The following SLC25A48 variants were observed in gnomAD, a reference collection of about 807,000 sequenced individuals.
SLC25A48 encodes CTC-321K16.1.
Under a neutral mutation model 32.2 loss-of-function variants are expected in SLC25A48, and 29 were observed. That is an observed-to-expected ratio of 0.90 (90% CI 0.67 to 1.23). SLC25A48 has a LOEUF of 1.23. Among genes scored for constraint, SLC25A48 ranks in the 50% most tolerant of loss-of-function variants. The pLI is 0.00. For synonymous variants in SLC25A48, 164 were observed against 172.3 expected (o/e 0.95, Z 0.38); for missense variants, 399 against 422.7 (o/e 0.94, Z 0.49).
At chr5:135,734,855 G>T (rs924892838) in intron 3 of SLC25A48, among the ~76,000 whole-genome samples, 2 of 150,820 alleles carry the variant, frequency 1.3e-5, no homozygotes, top group Non-Finnish European at 3.0e-5. Context: ...AGAAGGGGAC[G>T]GACTTAACCT....
chr5:135,690,082 T>C (rs1354943095), intron 3 of SLC25A48, among the ~76,000 whole-genome samples: 1 of 152,036 alleles, frequency 6.6e-6, no homozygotes, highest in African/African-American at 2.4e-5. Flanking sequence ...GGGGGTTTCC[T>C]AGGATGCAAG....
intron 3 of SLC25A48, among the ~76,000 whole-genome samples, chr5:135,734,869 C>A (rs554555186): frequency 6.6e-6 from 1 of 151,592 alleles, no homozygotes; most frequent in South Asian, 2.1e-4. Context: ...TTAACCTCCA[C>A]TGTAAGAGTT....
At chr5:135,712,294 A>C (rs1051258040) in intron 3 of SLC25A48, among the ~76,000 whole-genome samples, 4 of 152,192 alleles carry the variant, frequency 2.6e-5, no homozygotes, top group Admixed American at 2.0e-4. Flanking sequence ...CAAGTGAAGA[A>C]TAGAATCTTC....
chr5:135,781,005 C>T (rs1756704927), intron 3 of SLC25A48, among the ~76,000 whole-genome samples: 1 of 116,644 alleles, frequency 8.6e-6, no homozygotes, highest in African/African-American at 2.6e-5. Flanking sequence ...TATATTGTTC[C>T]TAATATCCAG....
intron 3 of SLC25A48, among the ~76,000 whole-genome samples, chr5:135,769,847 C>T (rs1267165401): frequency 1.3e-5 from 2 of 151,112 alleles, no homozygotes; most frequent in Admixed American, 6.6e-5. Context: ...TGATATTGTT[C>T]GTAATATCCA....
At chr5:135,735,753 G>A (rs1755345999) in intron 3 of SLC25A48, among the ~76,000 whole-genome samples, 1 of 152,166 alleles carries the variant, frequency 6.6e-6, no homozygotes, top group Non-Finnish European at 1.5e-5. Context: ...TAGAAGTTAG[G>A]ATGACATTTA....
chr5:135,624,851 C>G (rs561982036), intron 1 of SLC25A48, among the ~76,000 whole-genome samples: 1 of 152,168 alleles, frequency 6.6e-6, no homozygotes, highest in Non-Finnish European at 1.5e-5. Context: ...GCCAACAGAT[C>G]CGATTTGTGG....
At chr5:135,868,874 C>G (rs773171318) in intron 4 of SLC25A48, among the ~76,000 whole-genome samples, 4 of 152,160 alleles carry the variant, frequency 2.6e-5, no homozygotes, top group Admixed American at 6.5e-5. Context: ...CCACATCATA[C>G]CCATAGCTGA....
Position 135,834,812 on chromosome 5 carries a change from G to A in SLC25A48, c.-36G>A. On this transcript the variant is annotated 5_prime_UTR_variant, in exon 1 of 8. Transcript: ENST00000681962. ...GCCCCACTGACTCTAAGTGGGCACT[G>A]CCCCGGCTCCGGGAGGGCGAGACCG... The A allele has an allele frequency of 6.4e-7, 1 of 1,565,748 alleles. No individual in the cohort carries two copies. Among genetic ancestry groups the A allele is most frequent in the Middle Eastern group, 1.8e-4 (1 of 5,650 alleles).
intron 3 of SLC25A48, among the ~76,000 whole-genome samples, chr5:135,745,348 T>C (rs1237611228): frequency 2.0e-5 from 3 of 152,294 alleles, no homozygotes; most frequent in Admixed American, 1.3e-4. Context: ...CTTGAGCGGT[T>C]TTCCACCCAG....
chr5:135,734,256 G>T (rs1386928264), intron 3 of SLC25A48, among the ~76,000 whole-genome samples: 2 of 152,152 alleles, frequency 1.3e-5, no homozygotes, highest in African/African-American at 2.4e-5. Context: ...GGAGGCTTTG[G>T]GTTGGGAAGA....
chr5:135,602,312 G>A lies in SLC25A48; in HGVS notation c.-849+22715G>A, dbSNP rs56088050. Among the ~76,000 whole-genome samples the A allele has an allele frequency of 5.3e-4, 81 of 152,272 alleles. No homozygotes were observed. In the East Asian group the frequency reaches 0.013, roughly 24 times the overall value. On this transcript the variant is annotated intron_variant, in intron 1 of 10. Coordinates refer to the SLC25A48 transcript ENST00000646290. The stretch of plus-strand genomic sequence containing the variant: ...TCATTTACAACCCCCTGCCCCAAGA[G>A]ATTCCACATCAGTTCAGTGAGACTT...
intron 3 of SLC25A48, among the ~76,000 whole-genome samples, chr5:135,702,628 T>G (rs1437498609): frequency 6.6e-6 from 1 of 152,222 alleles, no homozygotes; most frequent in African/African-American, 2.4e-5. Flanking sequence ...AATGGACCAT[T>G]TTATTCTTAC....
At chr5:135,745,775 C>T (rs2127004163) in intron 3 of SLC25A48, among the ~76,000 whole-genome samples, 1 of 152,302 alleles carries the variant, frequency 6.6e-6, no homozygotes, top group South Asian at 2.1e-4. Context: ...CAGCACAGCA[C>T]AGTACCTACG....
chr5:135,590,007 A>G (rs1751478852), intron 1 of SLC25A48, among the ~76,000 whole-genome samples: 1 of 152,134 alleles, frequency 6.6e-6, no homozygotes, highest in Non-Finnish European at 1.5e-5. Context: ...TGCATTTTAA[A>G]TCCAGTCTAT....
At chr5:135,687,770 T>C (rs1754048834) in intron 3 of SLC25A48, among the ~76,000 whole-genome samples, 1 of 152,204 alleles carries the variant, frequency 6.6e-6, no homozygotes, top group Non-Finnish European at 1.5e-5. Context: ...TAACAATTCT[T>C]CTCCTCTCCA....
intron 3 of SLC25A48, among the ~76,000 whole-genome samples, chr5:135,719,807 A>T (rs1292226253): frequency 3.3e-5 from 5 of 152,180 alleles, no homozygotes; most frequent in African/African-American, 1.2e-4. Context: ...GCCCTCCTGC[A>T]GTCCAGCCCT....
chr5:135,806,718 CTGTG>C (rs140826193), intron 3 of SLC25A48, among the ~76,000 whole-genome samples: 7,091 of 149,202 alleles, frequency 0.048, 344 homozygotes, highest in African/African-American at 0.13. Flanking sequence ...TGTGTTAACA[CTGTG>C]TGTTAATACT....
Position 135,784,976 on chromosome 5 carries a change from A to G in SLC25A48, c.-520-27547A>G, listed in dbSNP as rs1756798721. Among the ~76,000 whole-genome samples the G allele has an allele frequency of 3.4e-5, 2 of 59,424 alleles. 1 individual carries two copies. The highest frequency in any genetic ancestry group is 1.2e-4 in the Non-Finnish European group (2 of 16,122). 39.0% of individuals were successfully genotyped at this position (59,424 alleles called of 152,430 possible). On this transcript the variant is annotated intron_variant, in intron 3 of 10. Transcript: ENST00000646290. Reference sequence around the variant, plus strand: ...GGGGAAAGAGGATATTACTCCAAAAATAACAGTAGTTGTATACAAATATTT... The same window carrying G: ...GGGGAAAGAGGATATTACTCCAAAAGTAACAGTAGTTGTATACAAATATTT...
Sources: allele counts gnomAD v4.1 joint callset (sites outside exome capture counted in the v4.1 genomes callset), GRCh38; gene constraint gnomAD v4.1.1; transcripts MANE v1.5; gene names NCBI Gene and HGNC (gene_info 2026-07-23, HGNC 2026-07-21).